The following CRYBB1 variants were observed in gnomAD, a reference collection of about 807,000 sequenced individuals.
CRYBB1 encodes the protein crystallin beta B1.
In CRYBB1, 16 loss-of-function variants were observed where a neutral mutation model predicts 29.5. That is an observed-to-expected ratio of 0.54 (90% CI 0.37 to 0.82). The LOEUF is 0.82. CRYBB1 is among the 40% of genes least tolerant of loss of function. The pLI, the probability that CRYBB1 is intolerant of heterozygous loss-of-function variation, is 0.00. For missense variants in CRYBB1, 300 were observed against 350.5 expected (o/e 0.86, Z 1.15); for synonymous variants, 127 against 136.7 (o/e 0.93, Z 0.49).
At chr22:26,603,832 G>C (rs1384694776) in intron 4 of CRYBB1, among the ~76,000 whole-genome samples, 7 of 152,064 alleles carry the variant, frequency 4.6e-5, no homozygotes, top group Non-Finnish European at 1.0e-4. Context: ...GCTGAGGCAG[G>C]AGAATCACTT....
intron 2 of CRYBB1, 62 bp downstream of exon 2, chr22:26,616,078 G>A: frequency 4.7e-6 from 6 of 1,270,614 alleles, no homozygotes; most frequent in Non-Finnish European, 4.6e-6. Flanking sequence ...GGAGAAGAAG[G>A]AGGAGGAGGG....
intron 1 of CRYBB1, among the ~76,000 whole-genome samples, chr22:26,617,274 T>C (rs181374333): frequency 2.9e-4 from 44 of 152,306 alleles, no homozygotes; most frequent in Admixed American, 9.8e-4. Flanking sequence ...ATACCTCAAC[T>C]TTGTCCCCGG....
chr22:26,612,455 C>T (rs1442958476), intron 2 of CRYBB1, among the ~76,000 whole-genome samples: 1 of 152,210 alleles, frequency 6.6e-6, no homozygotes, highest in African/African-American at 2.4e-5. Context: ...CTCCGCCTCC[C>T]AGGCTCAAGC....
intron 4 of CRYBB1, among the ~76,000 whole-genome samples, chr22:26,604,427 A>T (rs1928914289): frequency 1.3e-5 from 2 of 152,254 alleles, no homozygotes; most frequent in South Asian, 4.1e-4. Context: ...TAGGAGGAAG[A>T]GGAGCCCAGA....
chr22:26,602,220 G>A (rs755828016), intron 4 of CRYBB1, among the ~76,000 whole-genome samples, 199 bp from the exon 5 acceptor site: 3 of 152,092 alleles, frequency 2.0e-5, no homozygotes, highest in Non-Finnish European at 4.4e-5. Context: ...TAGGGTCCTC[G>A]TGAGGATGAA....
intron 4 of CRYBB1, 84 bp downstream of exon 4, chr22:26,607,805 C>T: frequency 1.3e-6 from 2 of 1,596,980 alleles, no homozygotes; most frequent in Non-Finnish European, 1.7e-6. Flanking sequence ...CCATCATCTC[C>T]TTCTTGCCCT....
Position 26,607,949 on chromosome 22 carries a change from C to T in CRYBB1, c.372G>A (p.Trp124Ter), listed in dbSNP as rs141811471. Residue 124 changes from tryptophan (W) to a stop codon, truncating the protein, a stop_gained, in exon 4 of 6, where the codon TGG becomes TGA. Coordinates refer to ENST00000647684, the MANE Select transcript of CRYBB1 (RefSeq NM_001887.4). LOFTEE classifies it high-confidence loss of function. Reference protein sequence around the residue: ...FILEKGEYPRWNTWSSSYRSD... With the variant: ...FILEKGEYPR ...TGCGGTAGCTGCTCGACCATGTGTT[C>T]CAGCGAGGGTACTCGCCCTTCTCCA... The T allele has an allele frequency of 4.3e-6, 7 of 1,614,094 alleles. No homozygotes were observed. The African/African-American group carries it at 9.3e-5, about 22-fold the overall frequency.
intron 5 of CRYBB1, among the ~76,000 whole-genome samples, chr22:26,599,934 A>G (rs1158163035): frequency 2.6e-5 from 4 of 152,196 alleles, no homozygotes; most frequent in African/African-American, 9.7e-5. Context: ...CAAATGGAGA[A>G]TGCACCTCAA....
intron 2 of CRYBB1, among the ~76,000 whole-genome samples, chr22:26,615,374 T>C (rs892873374): frequency 1.3e-5 from 2 of 152,202 alleles, no homozygotes; most frequent in South Asian, 4.1e-4. Flanking sequence ...TTTTCTTCTT[T>C]TTTTTTCTTG....
rs141362656 is a variant in CRYBB1, at chr22:26,616,290, C to T, written c.30G>A (p.Ser10=). Residue 10 remains serine (S), a synonymous_variant, in exon 2 of 6, where the codon TCG becomes TCA. Transcript: ENST00000647684. ...GCCCTGGGTTCACCGCCACTGTGGC[C>T]GAGGCCGAGGCCTTTGCAGCCTGAG... The part of the protein sequence containing the change: MSQAAKASA[S]ATVAVNPGPD... 1.7e-5 allele frequency: 27 copies of T among 1,613,724 alleles called. No individual in the cohort carries two copies. The African/African-American group carries it at 2.0e-4, about 12-fold the overall frequency.
intron 2 of CRYBB1, among the ~76,000 whole-genome samples, chr22:26,613,294 C>T (rs1464881645): frequency 6.6e-6 from 1 of 152,186 alleles, no homozygotes; most frequent in East Asian, 1.9e-4. Flanking sequence ...TCAGTTTCCC[C>T]AGCTGTAAGA....
rs1929036411 is a variant in CRYBB1 at position 26,607,988 on chromosome 22, C to T, written c.333G>A (p.Gly111=). Residue 111 remains glycine, a synonymous_variant, in exon 4 of 6, where the codon GGG becomes GGA. Coordinates refer to ENST00000647684, the MANE Select transcript of CRYBB1 (RefSeq NM_001887.4). Reference sequence around the variant, plus strand: ...CGCCCTTCTCCAGGATGAACATCTCCCCGCGGAAGTTGGACTGCTCAAAGG... The same window carrying T: ...CGCCCTTCTCCAGGATGAACATCTCTCCGCGGAAGTTGGACTGCTCAAAGG... ...WVAFEQSNFR[G]EMFILEKGEY... is the part of the protein sequence containing the mutation. 6.2e-7 allele frequency: 1 copy of T among 1,614,174 alleles called. No homozygotes were observed. The highest frequency in any genetic ancestry group is 1.1e-5 in the South Asian group (1 of 91,080).
At chr22:26,605,331 G>A (rs1928941644) in intron 4 of CRYBB1, among the ~76,000 whole-genome samples, 1 of 152,170 alleles carries the variant, frequency 6.6e-6, no homozygotes, top group Admixed American at 6.5e-5. Flanking sequence ...GACCTAGTCT[G>A]TTTGATGCAC....
chr22:26,616,023 AGAAAGAGGTGCGGAGGAGTAAGAGGT>A, intron 2 of CRYBB1, 91 bp downstream of exon 2: 1 of 824,656 alleles, frequency 1.2e-6, no homozygotes, highest in East Asian at 2.5e-5. Flanking sequence ...AAAAAGGAGG[AGAAAGAGGTGCGGAGGAGTAAGAGGT>A]GAAAGAGGAA....
intron 1 of CRYBB1, among the ~76,000 whole-genome samples, chr22:26,617,098 C>T (rs16982446): frequency 0.034 from 5,200 of 152,124 alleles, 152 homozygotes; most frequent in East Asian, 0.094. Context: ...AAATACAGGC[C>T]GGGGACTGAG....
intron 3 of CRYBB1, among the ~76,000 whole-genome samples, chr22:26,610,399 GGCCCGTTTCCAT>G: frequency 6.6e-6 from 1 of 152,130 alleles, no homozygotes; most frequent in South Asian, 2.1e-4. Flanking sequence ...CCGGACCACA[GGCCCGTTTCCAT>G]GCCCATCAGG....
intron 2 of CRYBB1, among the ~76,000 whole-genome samples, chr22:26,614,514 A>G (rs913125816): frequency 7.2e-5 from 11 of 152,206 alleles, no homozygotes; most frequent in African/African-American, 2.7e-4. Flanking sequence ...GAGCAAAGCT[A>G]GCAACCACTG....
chr22:26,615,994 G>T (rs1225645676), intron 2 of CRYBB1, 146 bp downstream of exon 2: 1 of 722,356 alleles, frequency 1.4e-6, no homozygotes, highest in East Asian at 2.7e-5. Flanking sequence ...TAAATAGAAA[G>T]GAGAGAAAAT....
chr22:26,603,073 C>T (rs910048424), intron 4 of CRYBB1, among the ~76,000 whole-genome samples: 1 of 143,588 alleles, frequency 7.0e-6, no homozygotes, highest in Admixed American at 7.3e-5. Flanking sequence ...TGCAGTGAGC[C>T]GAGATCGTGC....
Sources: gnomAD v4.1 joint callset for allele counts (sites outside exome capture counted in the v4.1 genomes callset) on GRCh38, gnomAD v4.1.1 for gene constraint, MANE v1.5 for transcripts, NCBI Gene and HGNC (gene_info 2026-07-23, HGNC 2026-07-21) for gene names.